Variants in VXN observed in about 807,000 individuals in gnomAD.
The protein encoded by VXN is uncharacterized protein C8orf46.
A neutral mutation model predicts 23.1 loss-of-function variants in VXN; 7 were observed. The observed-to-expected ratio is 0.30, with a 90% CI of 0.17 to 0.57. VXN has a LOEUF of 0.57. Ranked by LOEUF, VXN falls within the 20% of genes least tolerant of loss-of-function variation. The pLI is 0.91. For missense variants in VXN, 238 were observed against 272.6 expected (o/e 0.87, Z 0.89); for synonymous variants, 120 against 105.8 (o/e 1.13, Z -0.83).
chr8:66,505,817 T>C (rs1410858543), intron 3 of VXN, among the ~76,000 whole-genome samples: 2 of 152,212 alleles, frequency 1.3e-5, no homozygotes, highest in Non-Finnish European at 2.9e-5. Context: ...TTTTCTTTCA[T>C]TGAGACAGGG....
In VXN at chr8:66,517,769, A is replaced by G. The variant is rs1175889015; in HGVS notation, c.*1693A>G. On this transcript the variant is annotated 3_prime_UTR_variant, in exon 6 of 6. Coordinates refer to ENST00000305454, the MANE Select transcript of VXN (RefSeq NM_152765.4). ...GAGATCCTATGGGAAATTTAGCCTA[A>G]GACAGTGCTGGAAATTGCCATATGT... The G allele has an allele frequency of 6.6e-6, 1 of 152,250 alleles. No individual in the cohort carries two copies. The highest frequency in any genetic ancestry group is 1.9e-4 in the East Asian group (1 of 5,200). The allele number at this position is 152,250 out of a possible 1,614,324, so 9.4% of individuals were successfully genotyped here. A position where few individuals can be genotyped will look rare whatever the true frequency, so the allele number is the denominator to read the frequency against.
Position 66,505,519 on chromosome 8 carries a change from G to T in VXN, c.271G>T (p.Ala91Ser), listed in dbSNP as rs778511159. 2 of 1,523,074 alleles carry T rather than the reference G, an allele frequency of 1.3e-6. No homozygotes were observed. Among genetic ancestry groups the T allele is most frequent in the Non-Finnish European group, 1.8e-6 (2 of 1,139,628 alleles). 94.3% of individuals were successfully genotyped at this position (1,523,074 alleles called of 1,614,324 possible). Residue 91 changes from alanine to serine, a missense_variant, in exon 3 of 6, where the codon GCC becomes TCC. Physicochemically the swap from Ala to Ser is moderately conservative, Grantham distance 99. Around this residue, in one of 2 missense-constraint regions of VXN, gnomAD observed 223 missense variants for 236.9 expected, o/e 0.94. Coordinates refer to ENST00000305454, the MANE Select transcript of VXN (RefSeq NM_152765.4). Reference protein sequence around the residue: ...PPTAHPAKASARPVGISEPKT... With the variant: ...PPTAHPAKASSRPVGISEPKT... ...CACAGCCCACCCGGCCAAAGCCTCT[G>T]CCAGACCCGGTACGTGAGTCCCGGC...
rs61613088 is a variant in VXN at position 66,506,232 on chromosome 8, AGTGTGTGTGT to A, written c.280+735_280+744del. ...CAGAGAGAGAGAGAGAGAGAGAGAC[AGTGTGTGTGT>A]GTGTGTGTGTGTGTGTGTGTGTGTG... On this transcript the variant is annotated intron_variant, in intron 3 of 5. Coordinates refer to ENST00000305454, the MANE Select transcript of VXN (RefSeq NM_152765.4). Among the ~76,000 whole-genome samples, 267 of 140,436 alleles carry A rather than the reference AGTGTGTGTGT, an allele frequency of 1.9e-3. 1 individual carries two copies. The highest frequency in any genetic ancestry group is 6.2e-3 in the African/African-American group (231 of 37,478). 92.1% of individuals were successfully genotyped at this position (140,436 alleles called of 152,430 possible). A position where few individuals can be genotyped will look rare whatever the true frequency, so the allele number is the denominator to read the frequency against.
intron 2 of VXN, 58 bp downstream of exon 2, chr8:66,496,550 A>G (rs139866683): frequency 0.012 from 18,394 of 1,513,618 alleles, 152 homozygotes; most frequent in Non-Finnish European, 0.015. Flanking sequence ...AAGCAATGCC[A>G]GGCTTCTTCT....
At chr8:66,502,881 C>G (rs1386795370) in intron 2 of VXN, among the ~76,000 whole-genome samples, 1 of 150,884 alleles carries the variant, frequency 6.6e-6, no homozygotes, top group Non-Finnish European at 1.5e-5. Context: ...GGGTCTCACT[C>G]TGTCCCCCAT....
At chr8:66,507,261 G>C (rs1345913008) in intron 3 of VXN, among the ~76,000 whole-genome samples, 3 of 152,150 alleles carry the variant, frequency 2.0e-5, no homozygotes, top group Non-Finnish European at 4.4e-5. Flanking sequence ...TATTGAATTA[G>C]AAGCTCCAGG....
intron 2 of VXN, among the ~76,000 whole-genome samples, chr8:66,504,103 A>T (rs1586518395): frequency 1.3e-5 from 2 of 152,100 alleles, no homozygotes; most frequent in East Asian, 3.9e-4. Flanking sequence ...TGGGCTGAGC[A>T]GCTAATGCCA....
intron 4 of VXN, among the ~76,000 whole-genome samples, chr8:66,512,809 T>G (rs1006916539): frequency 6.6e-6 from 1 of 152,150 alleles, no homozygotes. Context: ...GATATTGCTG[T>G]GCCAGCATCA....
intron 2 of VXN, among the ~76,000 whole-genome samples, chr8:66,504,144 C>T (rs892562992): frequency 2.6e-5 from 4 of 152,152 alleles, no homozygotes; most frequent in Non-Finnish European, 5.9e-5. Flanking sequence ...TTCTCCCTCC[C>T]CACTGTGCAG....
At chr8:66,508,829 A>G (rs986033989) in intron 3 of VXN, among the ~76,000 whole-genome samples, 2 of 152,198 alleles carry the variant, frequency 1.3e-5, no homozygotes, top group South Asian at 2.1e-4. Flanking sequence ...GCGAAACCCT[A>G]TCTCCACAAA....
intron 3 of VXN, among the ~76,000 whole-genome samples, chr8:66,508,671 C>A (rs1586520675): frequency 6.6e-6 from 1 of 152,338 alleles, no homozygotes; most frequent in Non-Finnish European, 1.5e-5. Flanking sequence ...CTCAGTCAAG[C>A]CTCCTTAACC....
In VXN at chr8:66,516,766, T is replaced by C. The variant is rs1460362315; in HGVS notation, c.*690T>C. 1 of 152,252 alleles carries C rather than the reference T, an allele frequency of 6.6e-6. No individual in the cohort carries two copies. Among genetic ancestry groups the C allele is most frequent in the Non-Finnish European group, 1.5e-5 (1 of 68,044 alleles). 9.4% of individuals were successfully genotyped at this position (152,252 alleles called of 1,614,324 possible). On this transcript the variant is annotated 3_prime_UTR_variant, in exon 6 of 6. Transcript: ENST00000305454. ...TGCTTTGGTATAATAATTTGAACTTTTGAAAGTGCTTTCTCATCCGTTATC... is the reference window on the plus strand; with the variant it reads ...TGCTTTGGTATAATAATTTGAACTTCTGAAAGTGCTTTCTCATCCGTTATC...
intron 4 of VXN, among the ~76,000 whole-genome samples, chr8:66,510,676 G>A (rs1807811525): frequency 6.6e-6 from 1 of 152,222 alleles, no homozygotes; most frequent in African/African-American, 2.4e-5. Context: ...CAAGGTGCCA[G>A]CAGATTCAGT....
At position 66,516,123 on chromosome 8, in the gene VXN, A is replaced by G. The variant is rs1202701299; in HGVS notation, c.*47A>G. ...CTGTGTTGGCCAAGGTTCCCCGGAC[A>G]AGAGGAAAAACCTTCAGGATTGAAA... On this transcript the variant is annotated 3_prime_UTR_variant, in exon 6 of 6. Transcript: ENST00000305454. The G allele has an allele frequency of 8.0e-6, 12 of 1,508,760 alleles. No homozygotes were observed. The highest frequency in any genetic ancestry group is 9.7e-6 in the Non-Finnish European group (11 of 1,131,792). 93.5% of individuals were successfully genotyped at this position (1,508,760 alleles called of 1,614,324 possible).
chr8:66,496,897 T>G (rs1807632790), intron 2 of VXN, among the ~76,000 whole-genome samples: 1 of 152,170 alleles, frequency 6.6e-6, no homozygotes, highest in Non-Finnish European at 1.5e-5. Flanking sequence ...AATACTATTT[T>G]TTTTTTGAGA....
At chr8:66,498,548 G>A (rs1035772676) in intron 2 of VXN, among the ~76,000 whole-genome samples, 2 of 152,066 alleles carry the variant, frequency 1.3e-5, no homozygotes, top group South Asian at 2.1e-4. Flanking sequence ...AACCTCCAGC[G>A]GATGCCTGAA....
intron 1 of VXN, among the ~76,000 whole-genome samples, chr8:66,496,047 T>C (rs1401346894): frequency 1.3e-5 from 2 of 152,262 alleles, no homozygotes; most frequent in South Asian, 2.1e-4. Context: ...TTAAGAGGAA[T>C]TGTAGACTAT....
At chr8:66,495,429 G>A (rs1377230010) in intron 1 of VXN, among the ~76,000 whole-genome samples, 1 of 152,186 alleles carries the variant, frequency 6.6e-6, no homozygotes, top group East Asian at 1.9e-4. Flanking sequence ...CTGTAAATGG[G>A]AGAAACAACT....
At chr8:66,496,549 C>G in intron 2 of VXN, 57 bp downstream of exon 2, 5 of 1,512,222 alleles carry the variant, frequency 3.3e-6, no homozygotes, top group Non-Finnish European at 3.7e-6. Flanking sequence ...AAAGCAATGC[C>G]AGGCTTCTTC....
Sources: allele counts gnomAD v4.1 joint callset (sites outside exome capture counted in the v4.1 genomes callset), GRCh38; gene constraint gnomAD v4.1.1; regional missense constraint gnomAD v4.1.1; transcripts MANE v1.5; gene names NCBI Gene and HGNC (gene_info 2026-07-23, HGNC 2026-07-21).